Variants in SCAPER observed in about 807,000 individuals in gnomAD.
SCAPER encodes S-phase cyclin A associated protein in the ER.
SCAPER carries 98 observed loss-of-function variants against 182.2 expected under a neutral mutation model. The ratio of observed to expected loss-of-function variants is 0.54; its 90% CI spans 0.46 to 0.64. The LOEUF (loss-of-function observed/expected upper bound fraction) is 0.64, where lower values mean the gene tolerates loss of function less well. Among genes scored for constraint, SCAPER ranks in the 30% least tolerant of loss-of-function variants. The pLI is 0.00. For synonymous variants in SCAPER, 605 were observed against 564.6 expected (o/e 1.07, Z -1.01); for missense variants, 1,432 against 1,690.0 (o/e 0.85, Z 2.68).
chr15:76,578,050 T>C (rs2047983038), intron 22 of SCAPER, among the ~76,000 whole-genome samples: 1 of 151,672 alleles, frequency 6.6e-6, no homozygotes. Flanking sequence ...GAGTGAACAC[T>C]GACAGTAGCC....
intron 29 of SCAPER, among the ~76,000 whole-genome samples, chr15:76,367,074 A>G (rs937513854): frequency 3.3e-5 from 5 of 152,232 alleles, no homozygotes; most frequent in African/African-American, 1.2e-4. Flanking sequence ...TGACTTCCCA[A>G]TTCATCTTAT....
Position 76,864,694 on chromosome 15 carries a change from AT to A in SCAPER, c.7-2162del, listed in dbSNP as rs201318392. Reference sequence around the variant, plus strand: ...ATTTTCTACAAAGGGCCAGATAATAATTTTTTTTTTTTTATTTTAGGCTTTG... The same window carrying A: ...ATTTTCTACAAAGGGCCAGATAATAATTTTTTTTTTTTATTTTAGGCTTTG... On this transcript the variant is annotated intron_variant, in intron 2 of 31. Coordinates refer to ENST00000563290, the MANE Select transcript of SCAPER (RefSeq NM_020843.4). Among the ~76,000 whole-genome samples the A allele has an allele frequency of 2.2e-3, 327 of 146,804 alleles. 1 individual carries two copies. The highest frequency in any genetic ancestry group is 0.013 in the East Asian group (68 of 5,062).
intron 23 of SCAPER, among the ~76,000 whole-genome samples, chr15:76,534,805 G>A (rs999217163): frequency 2.6e-5 from 4 of 151,862 alleles, no homozygotes; most frequent in African/African-American, 9.7e-5. Flanking sequence ...CAAATTATAA[G>A]GTTAAATTCA....
At chr15:76,355,228 A>G (rs1385849792) in intron 29 of SCAPER, among the ~76,000 whole-genome samples, 2 of 152,264 alleles carry the variant, frequency 1.3e-5, no homozygotes, top group Non-Finnish European at 2.9e-5. Context: ...GTTTAAGAAC[A>G]AAATCAACAA....
chr15:76,864,272 A>T (rs143775671), intron 2 of SCAPER, among the ~76,000 whole-genome samples: 1,790 of 152,312 alleles, frequency 0.012, 18 homozygotes, highest in Middle Eastern at 0.031. Flanking sequence ...CCAACATAAG[A>T]TCCCCAGTTT....
At chr15:76,496,271 C>T (rs2040529172) in intron 24 of SCAPER, among the ~76,000 whole-genome samples, 2 of 151,086 alleles carry the variant, frequency 1.3e-5, no homozygotes, top group Non-Finnish European at 2.9e-5. Flanking sequence ...CCATTATGAT[C>T]AAGTCTGAGA....
chr15:76,621,627 T>TA, intron 22 of SCAPER, 137 bp downstream of exon 22: 1 of 719,022 alleles, frequency 1.4e-6, no homozygotes, highest in Non-Finnish European at 2.3e-6. Flanking sequence ...TCTAGTTGGA[T>TA]ACTACTGTGT....
intron 26 of SCAPER, among the ~76,000 whole-genome samples, chr15:76,428,925 A>G (rs1226937784): frequency 1.4e-5 from 2 of 138,584 alleles, no homozygotes; most frequent in Admixed American, 7.3e-5. Flanking sequence ...AAGTTTGTAT[A>G]GTTACTGATA....
chr15:76,470,093 A>G (rs1182738494), intron 25 of SCAPER, among the ~76,000 whole-genome samples: 5 of 152,118 alleles, frequency 3.3e-5, no homozygotes, highest in Non-Finnish European at 7.4e-5. Context: ...GTCTGACTGT[A>G]AGGGCTTCAT....
intron 15 of SCAPER, among the ~76,000 whole-genome samples, chr15:76,735,724 A>T (rs564889038): frequency 2.6e-5 from 4 of 152,052 alleles, no homozygotes; most frequent in African/African-American, 9.6e-5. Context: ...GAAAGAAAAA[A>T]AGATAAGAAA....
intron 23 of SCAPER, among the ~76,000 whole-genome samples, chr15:76,519,945 A>T (rs1392434338): frequency 6.6e-6 from 1 of 152,178 alleles, no homozygotes; most frequent in African/African-American, 2.4e-5. Context: ...TATACCCTTA[A>T]TGTTCTTGAT....
chr15:76,902,485 G>A (rs754102513), intron 1 of SCAPER, among the ~76,000 whole-genome samples: 40 of 152,044 alleles, frequency 2.6e-4, no homozygotes, highest in Admixed American at 1.6e-3. Flanking sequence ...TATATAAGTT[G>A]AATTTTTTTT....
At chr15:76,887,599 A>G (rs927801189) in intron 1 of SCAPER, among the ~76,000 whole-genome samples, 10 of 152,288 alleles carry the variant, frequency 6.6e-5, no homozygotes, top group South Asian at 4.1e-4. Flanking sequence ...CCAGTCAGGG[A>G]GGAGCGTCCA....
chr15:76,540,462 T>C (rs554785350), intron 23 of SCAPER, among the ~76,000 whole-genome samples: 1 of 152,258 alleles, frequency 6.6e-6, no homozygotes, highest in African/African-American at 2.4e-5. Flanking sequence ...TCTTCATGTG[T>C]TGACATGAGA....
chr15:76,523,275 T>C lies in SCAPER; in HGVS notation c.2839-18301A>G, dbSNP rs954247231. On this transcript the variant is annotated intron_variant, in intron 23 of 31. Coordinates refer to ENST00000563290, the MANE Select transcript of SCAPER (RefSeq NM_020843.4). Reference sequence around the variant, plus strand: ...AATAGATGAGAAATATATATTTGCATAAAATGAGGAAGACTTGAAATCAGG... The same window carrying C: ...AATAGATGAGAAATATATATTTGCACAAAATGAGGAAGACTTGAAATCAGG... 2.0e-5 allele frequency among the ~76,000 whole-genome samples: 3 copies of C among 152,216 alleles called. No homozygotes were observed. The South Asian group carries it at 6.2e-4, about 32-fold the overall frequency.
At chr15:76,706,791 C>A (rs1008932188) in intron 17 of SCAPER, among the ~76,000 whole-genome samples, 1 of 151,978 alleles carries the variant, frequency 6.6e-6, no homozygotes, top group Non-Finnish European at 1.5e-5. Flanking sequence ...CCACTCCCCT[C>A]ATGTATCCCA....
At chr15:76,754,632 C>G (rs1272812888) in intron 14 of SCAPER, among the ~76,000 whole-genome samples, 1 of 151,894 alleles carries the variant, frequency 6.6e-6, no homozygotes, top group East Asian at 1.9e-4. Context: ...TAAGATTCAG[C>G]ACCAATGAAA....
At chr15:76,509,872 G>A (rs1341694918) in intron 23 of SCAPER, among the ~76,000 whole-genome samples, 1 of 152,010 alleles carries the variant, frequency 6.6e-6, no homozygotes, top group Non-Finnish European at 1.5e-5. Flanking sequence ...GTATAAAAAT[G>A]GGCACACAGA....
rs557204775 is a variant in SCAPER, at chr15:76,876,506, T to C, written c.6+7306A>G. 5.9e-5 allele frequency among the ~76,000 whole-genome samples: 9 copies of C among 151,534 alleles called. No homozygotes were observed. In the South Asian group the frequency reaches 1.7e-3, roughly 28 times the overall value. On this transcript the variant is annotated intron_variant, in intron 2 of 31. Transcript: ENST00000563290. ...GTATAAACATAAACGTACTTGCAAA[T>C]TGAATTCAGATATGAGAACACCACC...
Sources: gnomAD v4.1 joint callset for allele counts (sites outside exome capture counted in the v4.1 genomes callset) on GRCh38, gnomAD v4.1.1 for gene constraint, MANE v1.5 for transcripts, NCBI Gene and HGNC (gene_info 2026-07-23, HGNC 2026-07-21) for gene names.